PRKN: variants seen among roughly 807,000 people sequenced by gnomAD.
PRKN encodes the protein E3 ubiquitin-protein ligase parkin.
Under a neutral mutation model 59.5 loss-of-function variants are expected in PRKN, and 56 were observed. The ratio of observed to expected loss-of-function variants is 0.94; its 90% CI spans 0.76 to 1.18. The LOEUF is 1.18. Ranked by LOEUF, PRKN falls within the 50% of genes most tolerant of loss-of-function variation. The pLI, the probability that PRKN is intolerant of heterozygous loss-of-function variation, is 0.00. For missense variants in PRKN, 657 were observed against 596.4 expected (o/e 1.10, Z -1.06); for synonymous variants, 250 against 222.1 (o/e 1.13, Z -1.12).
chr6:162,243,612 T>C (rs1388305096), intron 3 of PRKN, among the ~76,000 whole-genome samples: 1 of 152,096 alleles, frequency 6.6e-6, no homozygotes, highest in African/African-American at 2.4e-5. Context: ...AGCTACTATC[T>C]TCAAAGACTT....
intron 9 of PRKN, among the ~76,000 whole-genome samples, chr6:161,398,801 C>A (rs1007313092): frequency 6.6e-6 from 1 of 152,084 alleles, no homozygotes; most frequent in South Asian, 2.1e-4. Flanking sequence ...TCCATGGGAG[C>A]ACAGTGTTGA....
rs549138290 is a variant in PRKN at position 161,905,503 on chromosome 6, C to A, written c.734+67799G>T. Among the ~76,000 whole-genome samples, 3 of 152,260 alleles carry A rather than the reference C, an allele frequency of 2.0e-5. No individual in the cohort carries two copies. The South Asian group carries it at 6.2e-4, about 32-fold the overall frequency. On this transcript the variant is annotated intron_variant, in intron 6 of 11. Coordinates refer to ENST00000366898, the MANE Select transcript of PRKN (RefSeq NM_004562.3). ...ACAGAAGCAACACAGGGATTCCCCA[C>A]GGGAGTGCTCAGCTCTCCCAGCTCA...
intron 4 of PRKN, among the ~76,000 whole-genome samples, chr6:162,169,064 G>A (rs1053362718): frequency 6.6e-6 from 1 of 152,154 alleles, no homozygotes; most frequent in African/African-American, 2.4e-5. Flanking sequence ...TGTCCAAACT[G>A]AGCTGTGCTG....
chr6:162,465,050 C>G (rs935916044), intron 1 of PRKN, among the ~76,000 whole-genome samples: 6 of 152,118 alleles, frequency 3.9e-5, no homozygotes, highest in Non-Finnish European at 7.3e-5. Flanking sequence ...ACCCAGCAGA[C>G]AGAATGTTTA....
chr6:162,366,676 T>C (rs530835708), intron 2 of PRKN, among the ~76,000 whole-genome samples: 7 of 152,088 alleles, frequency 4.6e-5, no homozygotes, highest in South Asian at 2.1e-4. Context: ...GAGGCCGAGG[T>C]GGGTGGATCA....
rs1355371691 is a variant in PRKN at position 161,377,326 on chromosome 6, C to G, written c.1167+9468G>C. Among the ~76,000 whole-genome samples the G allele has an allele frequency of 6.6e-6, 1 of 152,246 alleles. No homozygotes were observed. The highest frequency in any genetic ancestry group is 1.5e-5 in the Non-Finnish European group (1 of 68,036). The stretch of plus-strand genomic sequence containing the variant: ...ACGGGGCGTGAGCGAGCTGCACAAG[C>G]AGGTCCTCAGACCCCCGTGCCATCC... On this transcript the variant is annotated intron_variant, in intron 10 of 11. Coordinates refer to ENST00000366898, the MANE Select transcript of PRKN (RefSeq NM_004562.3). The surrounding 1 kb of genome is among the most constrained non-coding windows in gnomAD (Gnocchi z 4.2).
chr6:161,788,198 A>T (rs1790501310), intron 6 of PRKN, among the ~76,000 whole-genome samples: 1 of 152,188 alleles, frequency 6.6e-6, no homozygotes, highest in Non-Finnish European at 1.5e-5. Context: ...GACTCATACC[A>T]TCTAGACAAC....
At chr6:162,574,241 T>C (rs990411677) in intron 1 of PRKN, among the ~76,000 whole-genome samples, 1 of 151,986 alleles carries the variant, frequency 6.6e-6, no homozygotes, top group Non-Finnish European at 1.5e-5. Context: ...GATGCTAGCG[T>C]ACAGTTAGAT....
chr6:162,214,835 C>T (rs1373082751), intron 3 of PRKN, among the ~76,000 whole-genome samples: 1 of 152,118 alleles, frequency 6.6e-6, no homozygotes, highest in Non-Finnish European at 1.5e-5. Flanking sequence ...CATGTGTTCA[C>T]TTTATATTTG....
intron 1 of PRKN, among the ~76,000 whole-genome samples, chr6:162,449,461 T>C (rs951934566): frequency 6.6e-6 from 1 of 152,228 alleles, no homozygotes; most frequent in Non-Finnish European, 1.5e-5. Flanking sequence ...TTAAGTGACC[T>C]TGCATGTGCA....
intron 1 of PRKN, among the ~76,000 whole-genome samples, chr6:162,621,142 C>A (rs1211511154): frequency 6.6e-6 from 1 of 152,132 alleles, no homozygotes; most frequent in Non-Finnish European, 1.5e-5. Context: ...ACTTTTACAT[C>A]TGTCTATTGA....
intron 1 of PRKN, among the ~76,000 whole-genome samples, chr6:162,584,245 A>C (rs1315230003): frequency 8.4e-6 from 1 of 119,568 alleles, no homozygotes. Context: ...AAAACAAAAA[A>C]CAAAAAAAAA....
At chr6:161,801,541 G>A (rs1046264292) in intron 6 of PRKN, among the ~76,000 whole-genome samples, 1 of 152,196 alleles carries the variant, frequency 6.6e-6, no homozygotes, top group South Asian at 2.1e-4. Context: ...ATCGAACAGT[G>A]TCACGGTTTC....
intron 7 of PRKN, among the ~76,000 whole-genome samples, chr6:161,734,434 G>A (rs972029647): frequency 1.3e-5 from 2 of 152,136 alleles, no homozygotes; most frequent in African/African-American, 2.4e-5. Flanking sequence ...GATTAGTATT[G>A]TGTGGAGCCA....
chr6:161,637,194 A>C (rs1289467989), intron 7 of PRKN, among the ~76,000 whole-genome samples: 1 of 152,192 alleles, frequency 6.6e-6, no homozygotes, highest in African/African-American at 2.4e-5. Flanking sequence ...TCATGCATGT[A>C]GGAAATGCTT....
chr6:161,471,935 T>C lies in PRKN; in HGVS notation c.1083+76919A>G, dbSNP rs1322722250. 6.6e-6 allele frequency among the ~76,000 whole-genome samples: 1 copy of C among 152,140 alleles called. No homozygotes were observed. Among genetic ancestry groups the C allele is most frequent in the Non-Finnish European group, 1.5e-5 (1 of 68,032 alleles). On this transcript the variant is annotated intron_variant, in intron 9 of 11. Coordinates refer to ENST00000366898, the MANE Select transcript of PRKN (RefSeq NM_004562.3). The surrounding 1 kb of genome is among the most constrained non-coding windows in gnomAD (Gnocchi z 4.5). The stretch of plus-strand genomic sequence containing the variant: ...GGCAAGACCTCACCTGGAATCTGTT[T>C]AATTTCAATACCAACTTTGGGAGAC...
At chr6:162,166,827 T>C (rs903374921) in intron 4 of PRKN, among the ~76,000 whole-genome samples, 2 of 151,848 alleles carry the variant, frequency 1.3e-5, no homozygotes, top group Non-Finnish European at 2.9e-5. Flanking sequence ...TATGAGACAT[T>C]CTCCATAGCT....
At chr6:162,570,835 G>A (rs2803063) in intron 1 of PRKN, among the ~76,000 whole-genome samples, 62,329 of 151,492 alleles carry the variant, frequency 0.41, 13,392 homozygotes, top group Non-Finnish European at 0.46. Context: ...AGGATGGGAG[G>A]GAAAAAAATA....
intron 1 of PRKN, among the ~76,000 whole-genome samples, chr6:162,652,376 T>C (rs1160752381): frequency 6.6e-6 from 1 of 152,176 alleles, no homozygotes; most frequent in East Asian, 1.9e-4. Flanking sequence ...CATTAACAGG[T>C]TGTGTCACAA....
Sources: allele counts gnomAD v4.1 joint callset (sites outside exome capture counted in the v4.1 genomes callset), GRCh38; gene constraint gnomAD v4.1.1; non-coding constraint Gnocchi (gnomAD v3.1); transcripts MANE v1.5; gene names NCBI Gene and HGNC (gene_info 2026-07-23, HGNC 2026-07-21).